Variants in ADCK1 observed in about 807,000 individuals in gnomAD.
The protein encoded by ADCK1 is aarF domain containing kinase 1, also known as aarF domain-containing protein kinase 1.
A neutral mutation model predicts 52.3 loss-of-function variants in ADCK1; 41 were observed. That is an observed-to-expected ratio of 0.78 (90% CI 0.61 to 1.02). ADCK1 has a LOEUF of 1.02. Among genes scored for constraint, ADCK1 ranks in the 50% least tolerant of loss-of-function variants. The pLI is 0.00. For missense variants in ADCK1, 658 were observed against 679.5 expected (o/e 0.97, Z 0.35); for synonymous variants, 250 against 274.6 (o/e 0.91, Z 0.89).
chr14:77,822,563 A>T lies in ADCK1; in HGVS notation c.219+45A>T. ...CATCTGAGCCAGGCCAGGACTGGAT[A>T]ACCCTTGAACTGCTATGCTCTAGTG... On this transcript the variant is annotated intron_variant, in intron 3 of 10. Transcript: ENST00000238561. 4.1e-6 allele frequency: 6 copies of T among 1,474,502 alleles called. No individual in the cohort carries two copies. In the South Asian group the frequency reaches 6.8e-5, roughly 17 times the overall value. The allele number at this position is 1,474,502 out of a possible 1,614,324, so 91.3% of individuals were successfully genotyped here. A position where few individuals can be genotyped will look rare whatever the true frequency, so the allele number is the denominator to read the frequency against.
intron 6 of ADCK1, chr14:77,902,599 T>A (rs915522009): frequency 6.6e-6 from 1 of 152,252 alleles, no homozygotes; most frequent in Non-Finnish European, 1.5e-5. Context: ...GGTTTGTCCC[T>A]GCTCTGGAAA....
intron 3 of ADCK1, among the ~76,000 whole-genome samples, chr14:77,830,302 C>T (rs1057139643): frequency 6.0e-5 from 9 of 151,220 alleles, no homozygotes; most frequent in Middle Eastern, 3.4e-3. Context: ...TACAGGCATG[C>T]GCCACCACAC....
At chr14:77,863,084 C>T (rs2082586304) in intron 4 of ADCK1, among the ~76,000 whole-genome samples, 1 of 152,192 alleles carries the variant, frequency 6.6e-6, no homozygotes, top group Non-Finnish European at 1.5e-5. Context: ...ATGTGGCGTT[C>T]AGCCGGTGAA....
chr14:77,816,599 C>T (rs915105704), intron 1 of ADCK1, among the ~76,000 whole-genome samples: 4 of 152,186 alleles, frequency 2.6e-5, no homozygotes, highest in African/African-American at 7.2e-5. Context: ...CACGCCCTTT[C>T]GCTGTTAACT....
intron 6 of ADCK1, among the ~76,000 whole-genome samples, chr14:77,901,541 C>T (rs1263504410): frequency 6.6e-6 from 1 of 151,990 alleles, no homozygotes; most frequent in East Asian, 1.9e-4. Context: ...AGGTGTGTGC[C>T]ACCACACCTG....
At position 77,923,866 on chromosome 14, in the gene ADCK1, C is replaced by G. The variant is rs1187066228; in HGVS notation, c.859-591C>G. 1 of 153,032 alleles carries G rather than the reference C, an allele frequency of 6.5e-6. No homozygotes were observed. The highest frequency in any genetic ancestry group is 1.5e-5 in the Non-Finnish European group (1 of 68,786). The allele number at this position is 153,032 out of a possible 1,614,324, so 9.5% of individuals were successfully genotyped here. On this transcript the variant is annotated intron_variant, in intron 7 of 10. Coordinates refer to ENST00000238561, the MANE Select transcript of ADCK1 (RefSeq NM_020421.4). The surrounding 1 kb of genome is among the most constrained non-coding windows in gnomAD (Gnocchi z 4.3). The stretch of plus-strand genomic sequence containing the variant: ...TCATAAATCAGATTAGCATTGGGCT[C>G]TGGCAGGGAGGGGAGCAGGGAGAGG...
chr14:77,819,182 A>G, intron 2 of ADCK1, 69 bp downstream of exon 2: 1 of 1,595,418 alleles, frequency 6.3e-7, no homozygotes, highest in Non-Finnish European at 8.6e-7. Context: ...TACATGTAGC[A>G]GATAGACATG....
At chr14:77,897,051 T>A (rs1162108101) in intron 5 of ADCK1, among the ~76,000 whole-genome samples, 1 of 152,124 alleles carries the variant, frequency 6.6e-6, no homozygotes, top group African/African-American at 2.4e-5. Context: ...AAAAGAAGCA[T>A]GAGACAAGGC....
intron 3 of ADCK1, 87 bp downstream of exon 3, chr14:77,822,605 C>T (rs1460213656): frequency 1.2e-5 from 14 of 1,162,406 alleles, no homozygotes; most frequent in Non-Finnish European, 1.5e-5. Context: ...CCACCTCACC[C>T]CCGCAAAGTG....
rs552996978 is a variant in ADCK1, at chr14:77,854,435, G to GC, written c.220-4641_220-4640insC. Among the ~76,000 whole-genome samples the GC allele has an allele frequency of 3.2e-3, 483 of 152,140 alleles. 3 individuals are homozygous for GC. Among genetic ancestry groups the GC allele is most frequent in the African/African-American group, 0.011 (450 of 41,488 alleles). ...ATAGTTAGAGTATTGGATTAATCCTGTTTTTTATTTTCTATATTTTCTGGT... is the reference window on the plus strand; with the variant it reads ...ATAGTTAGAGTATTGGATTAATCCTGCTTTTTTATTTTCTATATTTTCTGGT... On this transcript the variant is annotated intron_variant, in intron 3 of 10. Coordinates refer to ENST00000238561, the MANE Select transcript of ADCK1 (RefSeq NM_020421.4).
intron 4 of ADCK1, among the ~76,000 whole-genome samples, chr14:77,869,996 T>A (rs1333329320): frequency 6.6e-6 from 1 of 152,188 alleles, no homozygotes; most frequent in Non-Finnish European, 1.5e-5. Flanking sequence ...GCCTCAGGTA[T>A]TTATAAAAAC....
At chr14:77,802,766 T>C (rs2081138496) in intron 1 of ADCK1, among the ~76,000 whole-genome samples, 1 of 152,016 alleles carries the variant, frequency 6.6e-6, no homozygotes, top group South Asian at 2.1e-4. Flanking sequence ...CTGGCTAACA[T>C]GGTGAAACAC....
At chr14:77,839,234 G>C (rs1260227806) in intron 3 of ADCK1, among the ~76,000 whole-genome samples, 5 of 152,206 alleles carry the variant, frequency 3.3e-5, no homozygotes, top group African/African-American at 4.8e-5. Context: ...CAAGTGAAGG[G>C]CTGCGGGGAG....
chr14:77,912,657 T>G (rs1485751476), intron 7 of ADCK1, among the ~76,000 whole-genome samples: 1 of 152,010 alleles, frequency 6.6e-6, no homozygotes, highest in Non-Finnish European at 1.5e-5. Context: ...GGGGCGAAAG[T>G]CTTACTCTGA....
intron 7 of ADCK1, 165 bp downstream of exon 7, chr14:77,908,084 C>T (rs2083709081): frequency 1.7e-6 from 1 of 595,058 alleles, no homozygotes; most frequent in African/African-American, 1.9e-5. Flanking sequence ...AAGATTCTTT[C>T]AGGTCATTTA....
intron 4 of ADCK1, among the ~76,000 whole-genome samples, chr14:77,869,364 G>C (rs1024620350): frequency 6.6e-6 from 1 of 152,080 alleles, no homozygotes; most frequent in Non-Finnish European, 1.5e-5. Flanking sequence ...GTTTGGAGAT[G>C]CATCTCCCCA....
At chr14:77,904,438 G>A (rs936815065) in intron 6 of ADCK1, among the ~76,000 whole-genome samples, 3 of 152,260 alleles carry the variant, frequency 2.0e-5, no homozygotes, top group African/African-American at 7.2e-5. Flanking sequence ...CGGTCTGACT[G>A]CATGTCTCCA....
chr14:77,878,751 T>C (rs889630180), intron 4 of ADCK1, among the ~76,000 whole-genome samples: 3 of 152,218 alleles, frequency 2.0e-5, no homozygotes, highest in African/African-American at 7.2e-5. Context: ...GGCAGGGACA[T>C]AGATATGTCA....
rs148591255 is a variant in ADCK1 at position 77,802,011 on chromosome 14, G to A, written c.-12+1841G>A. Reference sequence around the variant, plus strand: ...GTAACTCACTAAATATGCCTCCTGGGTTAAGGTTTCCATGTTGCAGGGACT... The same window carrying A: ...GTAACTCACTAAATATGCCTCCTGGATTAAGGTTTCCATGTTGCAGGGACT... On this transcript the variant is annotated intron_variant, in intron 1 of 10. Transcript: ENST00000238561. Among the ~76,000 whole-genome samples the A allele has an allele frequency of 7.8e-3, 1,188 of 151,856 alleles. 12 individuals carry two copies. Among genetic ancestry groups the A allele is most frequent in the African/African-American group, 0.027 (1,139 of 41,428 alleles).
Sources: gnomAD v4.1 joint callset for allele counts (sites outside exome capture counted in the v4.1 genomes callset) on GRCh38, gnomAD v4.1.1 for gene constraint, Gnocchi (gnomAD v3.1) non-coding constraint, MANE v1.5 for transcripts, NCBI Gene and HGNC (gene_info 2026-07-23, HGNC 2026-07-21) for gene names.